The following ARHGEF3 variants were observed in gnomAD, a reference collection of about 807,000 sequenced individuals.
The protein encoded by ARHGEF3 is Rho guanine nucleotide exchange factor 3, also known as 59.8 kDA protein.
ARHGEF3 carries 28 observed loss-of-function variants against 63.2 expected under a neutral mutation model. The observed-to-expected ratio is 0.44, with a 90% CI of 0.33 to 0.61. The LOEUF (loss-of-function observed/expected upper bound fraction) is 0.61, where lower values mean the gene tolerates loss of function less well. ARHGEF3 is among the 20% of genes least tolerant of loss of function. ARHGEF3 has a pLI of 0.03. For missense variants in ARHGEF3, 533 were observed against 659.3 expected (o/e 0.81, Z 2.10); for synonymous variants, 266 against 254.2 (o/e 1.05, Z -0.44).
chr3:57,014,907 G>A (rs995810526), intron 2 of ARHGEF3, among the ~76,000 whole-genome samples: 4 of 151,898 alleles, frequency 2.6e-5, no homozygotes, highest in Admixed American at 2.0e-4. Context: ...GGATGGTCTC[G>A]ATCTCCTGAC....
At chr3:57,078,938 G>A (rs975752133) in intron 1 of ARHGEF3, 68 of 304,042 alleles carry the variant, frequency 2.2e-4, no homozygotes, top group Admixed American at 1.0e-4. Flanking sequence ...GCGACGGCTA[G>A]TCGAGGCTGG....
intron 4 of ARHGEF3, among the ~76,000 whole-genome samples, chr3:56,876,068 G>A (rs918231360): frequency 6.6e-6 from 1 of 152,150 alleles, no homozygotes; most frequent in African/African-American, 2.4e-5. Flanking sequence ...GAAATGCGGG[G>A]AGAAGAAACA....
At position 56,857,683 on chromosome 3, in the gene ARHGEF3, G is replaced by A. The variant is rs191340946; in HGVS notation, c.192+24609C>T. On this transcript the variant is annotated intron_variant, in intron 4 of 12. Transcript: ENST00000338458. ...CAAACGGCTATAACACCAAAGAAGC[G>A]GGGAGATGGGGGAATCTGGTGCCAT... 3.3e-5 allele frequency among the ~76,000 whole-genome samples: 5 copies of A among 152,268 alleles called. No individual in the cohort carries two copies. In the East Asian group the frequency reaches 5.8e-4, roughly 18 times the overall value.
chr3:56,751,057 C>A lies in ARHGEF3; in HGVS notation c.611G>T (p.Trp204Leu). 1 of 1,612,508 alleles carries A rather than the reference C, an allele frequency of 6.2e-7. No homozygotes were observed. Residue 204 changes from tryptophan to leucine, a missense_variant and splice_region_variant, in exon 6 of 10, where the codon TGG (tryptophan) becomes TTG (leucine). Coordinates refer to ENST00000296315, the MANE Select transcript of ARHGEF3 (RefSeq NM_019555.3). The stretch of plus-strand genomic sequence containing the variant: ...ATAAAGACCAGAGAACTTTCTTACC[C>A]AGCCCACGAGGATGGGACCAACATG... ...TEHVGPILVGWLPCLSSYDSY... is the reference protein window; with the variant it reads ...TEHVGPILVGLLPCLSSYDSY...
intron 2 of ARHGEF3, among the ~76,000 whole-genome samples, chr3:57,012,941 G>T (rs779187496): frequency 1.3e-5 from 2 of 152,082 alleles, no homozygotes; most frequent in Non-Finnish European, 2.9e-5. Context: ...CGTGAATTCC[G>T]GGTGGGTGCG....
intron 7 of ARHGEF3, 21 bp downstream of exon 7, chr3:56,745,184 G>T: frequency 6.2e-7 from 1 of 1,606,386 alleles, no homozygotes; most frequent in Non-Finnish European, 8.5e-7. Context: ...AGAAGAGAGA[G>T]AAGGAAACAG....
At chr3:56,800,589 C>T (rs985609405) in intron 1 of ARHGEF3, among the ~76,000 whole-genome samples, 1 of 152,092 alleles carries the variant, frequency 6.6e-6, no homozygotes, top group African/African-American at 2.4e-5. Flanking sequence ...ATGGTGTGCT[C>T]CCGAATATAC....
intron 4 of ARHGEF3, among the ~76,000 whole-genome samples, chr3:56,834,746 C>CAAAAAA (rs763133636): frequency 1.4e-5 from 1 of 69,728 alleles, no homozygotes; most frequent in African/African-American, 5.4e-5. Flanking sequence ...CTCTGACTTA[C>CAAAAAA]AAAAAAAAAA....
chr3:56,782,815 C>T (rs1372844988), intron 1 of ARHGEF3, among the ~76,000 whole-genome samples: 2 of 152,120 alleles, frequency 1.3e-5, no homozygotes, highest in Non-Finnish European at 2.9e-5. Flanking sequence ...TCTCTTGCCC[C>T]GTCTCATGGA....
At chr3:56,763,452 C>G (rs2107801561) in intron 2 of ARHGEF3, among the ~76,000 whole-genome samples, 1 of 152,272 alleles carries the variant, frequency 6.6e-6, no homozygotes, top group Middle Eastern at 3.4e-3. Flanking sequence ...CAGCAGGACA[C>G]TGTTGTTTAT....
intron 3 of ARHGEF3, among the ~76,000 whole-genome samples, chr3:56,946,261 G>T (rs148202384): frequency 6.6e-6 from 1 of 152,318 alleles, no homozygotes; most frequent in African/African-American, 2.4e-5. Context: ...ACCAGCAATG[G>T]AACAAAGCTG....
chr3:56,829,272 C>A (rs12489603), intron 4 of ARHGEF3, among the ~76,000 whole-genome samples: 1 of 151,956 alleles, frequency 6.6e-6, no homozygotes, highest in Admixed American at 6.6e-5. Flanking sequence ...CCAGGGCCTG[C>A]GGAAGACATG....
At chr3:56,921,069 A>C (rs1049165435) in intron 3 of ARHGEF3, among the ~76,000 whole-genome samples, 1 of 150,718 alleles carries the variant, frequency 6.6e-6, no homozygotes, top group African/African-American at 2.4e-5. Flanking sequence ...AAAAAAAAAA[A>C]AAAAAAAACT....
intron 2 of ARHGEF3, among the ~76,000 whole-genome samples, chr3:56,759,120 T>G (rs2035269009): frequency 6.6e-6 from 1 of 152,182 alleles, no homozygotes; most frequent in South Asian, 2.1e-4. Flanking sequence ...TTAAGTTTGT[T>G]CTAGCTCTTT....
intron 2 of ARHGEF3, among the ~76,000 whole-genome samples, chr3:56,959,149 C>T (rs1458405321): frequency 1.3e-5 from 2 of 152,104 alleles, no homozygotes; most frequent in Non-Finnish European, 2.9e-5. Context: ...TAACACGCAA[C>T]CTGGATGCAA....
At chr3:56,824,676 T>C (rs186056625) in intron 4 of ARHGEF3, among the ~76,000 whole-genome samples, 2 of 152,248 alleles carry the variant, frequency 1.3e-5, no homozygotes, top group African/African-American at 4.8e-5. Context: ...AGTTCAGAGC[T>C]GATGACCAGC....
intron 1 of ARHGEF3, chr3:57,079,060 T>A (rs1195261586): frequency 3.1e-6 from 1 of 321,598 alleles, no homozygotes; most frequent in East Asian, 4.4e-5. Context: ...GCAGGGTAAC[T>A]CGGAGGTGGG....
intron 1 of ARHGEF3, among the ~76,000 whole-genome samples, chr3:57,037,896 C>CAAAAA (rs1290389503): frequency 1.3e-5 from 2 of 151,010 alleles, no homozygotes; most frequent in African/African-American, 4.9e-5. Context: ...CAAAACAAAA[C>CAAAAA]AAAACAAAAC....
chr3:56,744,335 C>T (rs1446800270), intron 7 of ARHGEF3, among the ~76,000 whole-genome samples: 1 of 151,816 alleles, frequency 6.6e-6, no homozygotes, highest in East Asian at 1.9e-4. Context: ...TTTTCCTCGT[C>T]TTCTATTGCT....
Sources: gnomAD v4.1 joint callset for allele counts (sites outside exome capture counted in the v4.1 genomes callset) on GRCh38, gnomAD v4.1.1 for gene constraint, MANE v1.5 for transcripts, NCBI Gene and HGNC (gene_info 2026-07-23, HGNC 2026-07-21) for gene names.